Variants in LPCAT3 observed in about 807,000 individuals in gnomAD.
LPCAT3 encodes the protein lysophospholipid acyltransferase 5.
LPCAT3 carries 21 observed loss-of-function variants against 63.4 expected under a neutral mutation model. The observed-to-expected ratio is 0.33, with a 90% CI of 0.23 to 0.48. The LOEUF is 0.48. Among genes scored for constraint, LPCAT3 ranks in the 20% least tolerant of loss-of-function variants. The pLI, the probability that LPCAT3 is intolerant of heterozygous loss-of-function variation, is 0.99. For synonymous variants in LPCAT3, 242 were observed against 227.5 expected (o/e 1.06, Z -0.58); for missense variants, 451 against 590.6 (o/e 0.76, Z 2.45).
intron 7 of LPCAT3, chr12:6,978,977 G>A (rs1296216779): frequency 2.4e-6 from 1 of 414,250 alleles, no homozygotes; most frequent in African/African-American, 2.0e-5. Context: ...TGAGCATTTG[G>A]AATGTTAAGT....
intron 1 of LPCAT3, among the ~76,000 whole-genome samples, chr12:7,016,630 T>C (rs1277680900): frequency 1.3e-5 from 2 of 152,112 alleles, no homozygotes; most frequent in Non-Finnish European, 2.9e-5. Context: ...CAAGCGTTCC[T>C]CCCACCTTGG....
At chr12:6,982,274 A>G (rs1946478512) in intron 3 of LPCAT3, among the ~76,000 whole-genome samples, 1 of 152,178 alleles carries the variant, frequency 6.6e-6, no homozygotes, top group African/African-American at 2.4e-5. Context: ...CCTGGGCTCA[A>G]GCAATCTGAC....
In LPCAT3 at chr12:6,978,707, C is replaced by CATT; in HGVS notation, c.787-19_787-18insAAT. ...GGGTGGTTCTTGAGGGAAGAAAGCA[C>CATT]AGTGCATTAGGGATATCACATGACT... On this transcript the variant is annotated intron_variant, in intron 7 of 12. Transcript: ENST00000261407. 1.2e-6 allele frequency: 2 copies of CATT among 1,613,822 alleles called. No homozygotes were observed. Among genetic ancestry groups the CATT allele is most frequent in the South Asian group, 2.2e-5 (2 of 91,018 alleles).
rs1555153303 is a variant in LPCAT3 at position 6,977,104 on chromosome 12, G to A, written c.*12+30C>T. ...CTGTTGCTCTATTCTGTAACCTGGT[G>A]GTAGTTTTAGTTTAGCTGTATTAAC... is the stretch of plus-strand genomic sequence containing the variant. On this transcript the variant is annotated intron_variant, in intron 12 of 12. Transcript: ENST00000261407. The surrounding 1 kb of genome is among the most constrained non-coding windows in gnomAD (Gnocchi z 4.5). 7.7e-7 allele frequency: 1 copy of A among 1,292,188 alleles called. No individual in the cohort carries two copies. Among genetic ancestry groups the A allele is most frequent in the South Asian group, 1.2e-5 (1 of 84,442 alleles). 80.0% of individuals were successfully genotyped at this position (1,292,188 alleles called of 1,614,324 possible).
At chr12:6,991,931 C>T (rs1185007649) in intron 1 of LPCAT3, among the ~76,000 whole-genome samples, 1 of 151,942 alleles carries the variant, frequency 6.6e-6, no homozygotes, top group Non-Finnish European at 1.5e-5. Context: ...GCATGGTGGC[C>T]CACACCTCCC....
intron 6 of LPCAT3, among the ~76,000 whole-genome samples, chr12:6,980,219 T>G (rs1052029165): frequency 4.6e-5 from 7 of 151,982 alleles, no homozygotes; most frequent in African/African-American, 1.5e-4. Flanking sequence ...GGATAATTTT[T>G]TTTTGTAGAG....
Position 6,981,000 on chromosome 12 carries a change from T to C in LPCAT3, c.677+4A>G, listed in dbSNP as rs782362602. 6.3e-7 allele frequency: 1 copy of C among 1,582,700 alleles called. No homozygotes were observed. Among genetic ancestry groups the C allele is most frequent in the Non-Finnish European group, 8.6e-7 (1 of 1,165,876 alleles). Reference sequence around the variant, plus strand: ...CAAACATCTGGACCAAGAGGGGCAATTACCTGTTTGGTATCTTTCCTGGTA... The same window carrying C: ...CAAACATCTGGACCAAGAGGGGCAACTACCTGTTTGGTATCTTTCCTGGTA... On this transcript the variant is annotated splice_donor_region_variant and intron_variant, in intron 6 of 12. Transcript: ENST00000261407.
chr12:7,001,504 C>T (rs1946687352), intron 1 of LPCAT3: 1 of 455,946 alleles, frequency 2.2e-6, no homozygotes, highest in Non-Finnish European at 4.4e-6. Context: ...TAGGCAGAGT[C>T]CCCAGATTAG....
At chr12:7,013,366 G>A (rs1946778212) in intron 1 of LPCAT3, among the ~76,000 whole-genome samples, 1 of 152,236 alleles carries the variant, frequency 6.6e-6, no homozygotes, top group Non-Finnish European at 1.5e-5. Context: ...GAAGGGTTCT[G>A]AGCAGGAGAG....
Position 6,983,413 on chromosome 12 carries a change from G to C in LPCAT3, c.259+19C>G. 6.6e-7 allele frequency: 1 copy of C among 1,515,614 alleles called. No individual in the cohort carries two copies. Among genetic ancestry groups the C allele is most frequent in the East Asian group, 2.3e-5 (1 of 44,378 alleles). 93.9% of individuals were successfully genotyped at this position (1,515,614 alleles called of 1,614,324 possible). On this transcript the variant is annotated intron_variant, in intron 2 of 12. Transcript: ENST00000261407. The stretch of plus-strand genomic sequence containing the variant: ...GGTTCCCACTAATTGCGGTGTCACT[G>C]CTAATTTAGTTTACTCACCAAAGTT...
intron 1 of LPCAT3, among the ~76,000 whole-genome samples, chr12:6,998,920 A>G (rs1946660863): frequency 6.6e-6 from 1 of 152,272 alleles, no homozygotes; most frequent in African/African-American, 2.4e-5. Flanking sequence ...CCCAAGGTTA[A>G]CAGAGCAGAG....
intron 1 of LPCAT3, among the ~76,000 whole-genome samples, chr12:6,989,124 A>G (rs1946561796): frequency 1.4e-5 from 2 of 147,406 alleles, no homozygotes; most frequent in African/African-American, 4.9e-5. Context: ...CTCCATCTCA[A>G]AAAAAAAAAA....
intron 4 of LPCAT3, 80 bp downstream of exon 4, chr12:6,981,731 A>AGG (rs1325493919): frequency 2.8e-5 from 6 of 210,730 alleles, no homozygotes; most frequent in Admixed American, 6.0e-5. Flanking sequence ...CGGGGGGCGG[A>AGG]GGGGGGGTGC....
At position 6,982,697 on chromosome 12, in the gene LPCAT3, G is replaced by T; in HGVS notation, c.345C>A (p.Leu115=). The T allele has an allele frequency of 6.2e-7, 1 of 1,613,306 alleles. No individual in the cohort carries two copies. Among genetic ancestry groups the T allele is most frequent in the Non-Finnish European group, 8.5e-7 (1 of 1,179,216 alleles). ...RLMGRTITAV[L]TTFCFQMAYL... ...TTACCATCTGGAAGCAAAAGGTAGTGAGGACGGCAGTGATGGTGCGGCCCA... is the reference window on the plus strand; with the variant it reads ...TTACCATCTGGAAGCAAAAGGTAGTTAGGACGGCAGTGATGGTGCGGCCCA... The change falls in exon 3 of 13, where the codon CTC becomes CTA. Residue 115 remains leucine (L), a synonymous_variant. Transcript: ENST00000261407.
In LPCAT3 at chr12:6,977,066, G is replaced by GT. The variant is rs1565595726; in HGVS notation, c.*12+67dup. ...TTCACCCCAGATTTCTAATACTATT[G>GT]TTTTTTTCCAGTCTGTTGCTCTATT... On this transcript the variant is annotated intron_variant, in intron 12 of 12. Transcript: ENST00000261407. This position sits in a 1 kb window ranked among gnomAD's most constrained non-coding sequence, Gnocchi z 4.5. 3 of 995,100 alleles carry GT rather than the reference G, an allele frequency of 3.0e-6. No individual in the cohort carries two copies. The highest frequency in any genetic ancestry group is 1.6e-6 in the Non-Finnish European group (1 of 630,612). The allele number at this position is 995,100 out of a possible 1,614,324, so 61.6% of individuals were successfully genotyped here. A position where few individuals can be genotyped will look rare whatever the true frequency, so the allele number is the denominator to read the frequency against.
At chr12:7,012,800 G>A (rs1946772453) in intron 1 of LPCAT3, among the ~76,000 whole-genome samples, 1 of 152,152 alleles carries the variant, frequency 6.6e-6, no homozygotes, top group Non-Finnish European at 1.5e-5. Flanking sequence ...GCACTTAAGA[G>A]TATCTGATCC....
In LPCAT3 at chr12:7,018,306, T is replaced by A. The variant is rs1212119873; in HGVS notation, c.119A>T (p.Gln40Leu). 1 of 1,607,984 alleles carries A rather than the reference T, an allele frequency of 6.2e-7. No homozygotes were observed. The highest frequency in any genetic ancestry group is 8.5e-7 in the Non-Finnish European group (1 of 1,177,696). ...GATGGAGATGATCAGCCGCAGCGCCTGTTCTGACGCGCCCAGGGACGTCGC... is the reference window on the plus strand; with the variant it reads ...GATGGAGATGATCAGCCGCAGCGCCAGTTCTGACGCGCCCAGGGACGTCGC... The part of the protein sequence containing the change: ...KLATSLGASE[Q>L]ALRLIISIFL... Residue 40 changes from glutamine to leucine, a missense_variant, in exon 1 of 13, where the codon CAG becomes CTG. Around this residue, in one of 3 missense-constraint regions of LPCAT3, gnomAD observed 133 missense variants for 152.1 expected, o/e 0.87. Coordinates refer to ENST00000261407, the MANE Select transcript of LPCAT3 (RefSeq NM_005768.6). This position sits in a 1 kb window ranked among gnomAD's most constrained non-coding sequence, Gnocchi z 4.9.
At chr12:7,002,744 C>G (rs938004415) in intron 1 of LPCAT3, among the ~76,000 whole-genome samples, 4 of 152,238 alleles carry the variant, frequency 2.6e-5, no homozygotes, top group Non-Finnish European at 5.9e-5. Flanking sequence ...GGCGCAGTGG[C>G]TAACGCCTGT....
In LPCAT3 at chr12:7,018,396, C is replaced by T; in HGVS notation, c.29G>A (p.Gly10Glu). The T allele has an allele frequency of 6.2e-7, 1 of 1,610,870 alleles. No homozygotes were observed. Residue 10 changes from glycine to glutamate, a missense_variant, in exon 1 of 13, where the codon GGG becomes GAG. By Grantham distance (98) the Gly-to-Glu change is moderately conservative. Transcript: ENST00000261407. This position sits in a 1 kb window ranked among gnomAD's most constrained non-coding sequence, Gnocchi z 4.9. MASSAEGDE[G>E]TVVALAGVLQ... ...AACCCCCGCCAGCGCCACCACAGTCCCCTCGTCCCCCTCCGCTGAGGACGC... is the reference window on the plus strand; with the variant it reads ...AACCCCCGCCAGCGCCACCACAGTCTCCTCGTCCCCCTCCGCTGAGGACGC...
Sources: gnomAD v4.1 joint callset for allele counts (sites outside exome capture counted in the v4.1 genomes callset) on GRCh38, gnomAD v4.1.1 for gene constraint, gnomAD v4.1.1 regional missense constraint, Gnocchi (gnomAD v3.1) non-coding constraint, MANE v1.5 for transcripts, NCBI Gene and HGNC (gene_info 2026-07-23, HGNC 2026-07-21) for gene names.